The following DMBT1 variants were observed in gnomAD, a reference collection of about 807,000 sequenced individuals.
DMBT1 encodes the protein deleted in malignant brain tumors 1.
In DMBT1, 198 loss-of-function variants were observed where a neutral mutation model predicts 252.9. That is an observed-to-expected ratio of 0.78 (90% CI 0.70 to 0.88). DMBT1 has a LOEUF of 0.88. Ranked by LOEUF, DMBT1 falls within the 40% of genes least tolerant of loss-of-function variation. The probability of loss-of-function intolerance (pLI) is 0.00; values close to 1 mark genes in which losing one functional copy is unlikely to be tolerated. For missense variants in DMBT1, 2,432 were observed against 2,404.7 expected, an observed-to-expected ratio of 1.01 and a Z score of -0.24; for synonymous variants, 990 against 942.7, an observed-to-expected ratio of 1.05 and a Z score of -0.92.
At chr10:122,599,388 T>A (rs761356777) in intron 26 of DMBT1, among the ~76,000 whole-genome samples, 1 of 152,188 alleles carries the variant, frequency 6.6e-6, no homozygotes, top group Non-Finnish European at 1.5e-5. Flanking sequence ...ATTTCTCCCC[T>A]GCTGAGTAGC....
At chr10:122,562,202 C>CT (rs944213856) in intron 1 of DMBT1, among the ~76,000 whole-genome samples, 19 of 151,294 alleles carry the variant, frequency 1.3e-4, no homozygotes, top group Middle Eastern at 3.2e-3. Context: ...TTCCTACTGC[C>CT]TTTTTTTTCT....
intron 49 of DMBT1, 103 bp from the exon 50 acceptor site, chr10:122,631,752 G>C: frequency 1.5e-6 from 2 of 1,332,180 alleles, no homozygotes; most frequent in Admixed American, 1.8e-5. Flanking sequence ...CCTCGCCGAG[G>C]GGGGTCAGGT....
rs1349161912 is a variant in DMBT1 at position 122,599,034 on chromosome 10, C to T, written c.3217C>T (p.Pro1073Ser). 6.2e-7 allele frequency: 1 copy of T among 1,613,746 alleles called. No homozygotes were observed. The highest frequency in any genetic ancestry group is 8.5e-7 in the Non-Finnish European group (1 of 1,179,726). ...SGHESYLWSC[P>S]HNGWLSHNCG... ...ACACGAGTCTTACCTGTGGAGCTGCCCCCACAATGGCTGGCTCTCCCACAA... is the reference window on the plus strand; with the variant it reads ...ACACGAGTCTTACCTGTGGAGCTGCTCCCACAATGGCTGGCTCTCCCACAA... Residue 1073 changes from proline to serine, a missense_variant, in exon 26 of 56, where the codon CCC becomes TCC. Pro to Ser is a moderately conservative substitution (Grantham distance 74). Around this residue, in one of 3 missense-constraint regions of DMBT1, gnomAD observed 1,264 missense variants for 1,082.2 expected, o/e 1.17. Coordinates refer to ENST00000338354, the MANE Select transcript of DMBT1 (RefSeq NM_001377530.1).
chr10:122,568,048 T>A (rs2133513224), intron 2 of DMBT1, among the ~76,000 whole-genome samples: 1 of 152,252 alleles, frequency 6.6e-6, no homozygotes, highest in South Asian at 2.1e-4. Flanking sequence ...ACACTGAGGA[T>A]TCAGCTGGGA....
At position 122,576,681 on chromosome 10, in the gene DMBT1, A is replaced by G. The variant is rs200889785; in HGVS notation, c.566A>G (p.His189Arg). Residue 189 changes from histidine to arginine, a missense_variant, in exon 7 of 56, where the codon CAT becomes CGT. This residue lies in a region of DMBT1 where 1,264 missense variants were observed against 1,082.2 expected (regional missense o/e 1.17). Coordinates refer to ENST00000338354, the MANE Select transcript of DMBT1 (RefSeq NM_001377530.1). ...TGCCCCCACAATGGCTGGCTCTCCC[A>G]TAACTGTGGCCATGGTGAAGATGCT... ...WSCPHNGWLS[H>R]NCGHGEDAGV... The G allele has an allele frequency of 1.2e-6, 2 of 1,613,804 alleles. No individual in the cohort carries two copies. Among genetic ancestry groups the G allele is most frequent in the Non-Finnish European group, 1.7e-6 (2 of 1,179,726 alleles).
At chr10:122,619,170 A>G (rs2098035674) in intron 41 of DMBT1, 138 bp from the exon 42 acceptor site, 1 of 1,126,142 alleles carries the variant, frequency 8.9e-7, no homozygotes, top group South Asian at 1.2e-5. Flanking sequence ...GGGAATTTAC[A>G]TGGCAATGCC....
rs770901296 is a variant in DMBT1, at chr10:122,593,575, A to G, written c.2507A>G (p.Gln836Arg). 5 of 1,586,956 alleles carry G rather than the reference A, an allele frequency of 3.2e-6. No individual in the cohort carries two copies. The East Asian group carries it at 1.2e-4, about 37-fold the overall frequency. ...EDAGVICSVS[Q>R]SRPTPSPDTW... is the part of the protein sequence containing the mutation. ...TCTCTTCTCTTTCTCACAGTTTCCC[A>G]GTCCCGGCCGACACCCAGTCCAGGT... Residue 836 changes from glutamine (Q) to arginine (R), a missense_variant, in exon 21 of 56, where the codon CAG becomes CGG. Gln to Arg is a conservative substitution (Grantham distance 43). Around this residue, in one of 3 missense-constraint regions of DMBT1, gnomAD observed 1,264 missense variants for 1,082.2 expected, o/e 1.17. Coordinates refer to ENST00000338354, the MANE Select transcript of DMBT1 (RefSeq NM_001377530.1).
Position 122,598,803 on chromosome 10 carries a change from G to A in DMBT1, c.2986G>A (p.Val996Met), listed in dbSNP as rs376363987. The change falls in exon 26 of 56, where the codon GTG becomes ATG. Residue 996 changes from valine to methionine, a missense_variant. By Grantham distance (21) the Val-to-Met change is conservative. Transcript: ENST00000338354. ...GSESSLALRL[V>M]NGGDRCQGRV... ...TGAATCCAGTTTGGCCCTGAGGCTG[G>A]TGAATGGAGGTGACAGGTGTCAGGG... The A allele has an allele frequency of 1.2e-6, 2 of 1,613,386 alleles. No homozygotes were observed. Among genetic ancestry groups the A allele is most frequent in the African/African-American group, 1.3e-5 (1 of 74,922 alleles).
At chr10:122,639,838 C>T (rs898869530) in intron 54 of DMBT1, among the ~76,000 whole-genome samples, 3 of 152,204 alleles carry the variant, frequency 2.0e-5, no homozygotes, top group Non-Finnish European at 4.4e-5. Context: ...TTCCCCAGAC[C>T]TGGACCCAGA....
chr10:122,577,864 G>A lies in DMBT1; in HGVS notation c.637+24G>A, dbSNP rs57544182. 17,736 of 1,612,818 alleles carry A rather than the reference G, an allele frequency of 0.011. 1,101 individuals carry two copies. The South Asian group carries it at 0.13, about 12-fold the overall frequency. On this transcript the variant is annotated intron_variant, in intron 8 of 55. Coordinates refer to ENST00000338354, the MANE Select transcript of DMBT1 (RefSeq NM_001377530.1). ...AGGTGAGTCCCCAGAATCCTTCCTC[G>A]GGATACCCCTTCTCTTTCTGCTCAG...
chr10:122,620,980 G>T, intron 43 of DMBT1, 77 bp from the exon 44 acceptor site: 1 of 1,593,286 alleles, frequency 6.3e-7, no homozygotes. Context: ...ATTAGGAAGT[G>T]CCCTGAGTGT....
At chr10:122,569,400 A>T (rs1334809559) in intron 2 of DMBT1, among the ~76,000 whole-genome samples, 1 of 152,214 alleles carries the variant, frequency 6.6e-6, no homozygotes, top group East Asian at 1.9e-4. Context: ...CTCAATGGAA[A>T]AGAGAACTTC....
At position 122,572,344 on chromosome 10, in the gene DMBT1, A is replaced by G; in HGVS notation, c.218A>G (p.Glu73Gly). The G allele has an allele frequency of 6.2e-7, 1 of 1,613,046 alleles. No individual in the cohort carries two copies. The change falls in exon 5 of 56, where the codon GAG (glutamate) becomes GGG (glycine). Residue 73 changes from glutamate (E) to glycine (G), a missense_variant. Physicochemically the swap from Glu to Gly is moderately conservative, Grantham distance 98 (BLOSUM62 -2). Around this residue, in one of 3 missense-constraint regions of DMBT1, gnomAD observed 1,264 missense variants for 1,082.2 expected, o/e 1.17. Coordinates refer to ENST00000338354, the MANE Select transcript of DMBT1 (RefSeq NM_001377530.1). ...GSPISLESTL[E>G]STVAEGSLIP... ...CCGATTTCCTTGGAGTCAACCCTGG[A>G]GTCAACCGTAGCAGAAGGTAACGTC...
intron 54 of DMBT1, 146 bp downstream of exon 54, chr10:122,637,458 T>G (rs757719181): frequency 4.1e-6 from 4 of 968,462 alleles, no homozygotes; most frequent in South Asian, 1.8e-5. Context: ...TAAAAAACCT[T>G]TGGTGCTATG....
At position 122,586,187 on chromosome 10, in the gene DMBT1, T is replaced by C. The variant is rs1591305232; in HGVS notation, c.1587T>C (p.Asn529=). 6.3e-7 allele frequency: 1 copy of C among 1,589,154 alleles called. No homozygotes were observed. The highest frequency in any genetic ancestry group is 2.3e-5 in the East Asian group (1 of 42,742). ...ACAGCTGGGACACCAATGATGCCAA[T>C]GTGGTCTGCAGGCAGCTGGGCTGTG... ...CDDSWDTNDA[N]VVCRQLGCGW... is the part of the protein sequence containing the mutation. Residue 529 remains asparagine, a synonymous_variant, in exon 16 of 56, where the codon AAT becomes AAC. Transcript: ENST00000338354.
At position 122,620,284 on chromosome 10, in the gene DMBT1, G is replaced by A. The variant is rs2098051353; in HGVS notation, c.5277G>A (p.Leu1759=). 6.2e-7 allele frequency: 1 copy of A among 1,613,952 alleles called. No homozygotes were observed. Among genetic ancestry groups the A allele is most frequent in the Non-Finnish European group, 8.5e-7 (1 of 1,179,882 alleles). ...GGCTGACCACCAACTTACCGGCATTGACAGTAGGTAAATAATCCTCTCGCC... is the reference window on the plus strand; with the variant it reads ...GGCTGACCACCAACTTACCGGCATTAACAGTAGGTAAATAATCCTCTCGCC... ...DTWLTTNLPA[L]TVGSESSLAL... is the part of the protein sequence containing the mutation. Residue 1759 remains leucine (L), a synonymous_variant, in exon 43 of 56, where the codon TTG becomes TTA. Transcript: ENST00000338354.
At chr10:122,641,835 C>A (rs896093849) in intron 55 of DMBT1, among the ~76,000 whole-genome samples, 11 of 152,128 alleles carry the variant, frequency 7.2e-5, no homozygotes, top group Non-Finnish European at 1.3e-4. Flanking sequence ...ATTGGCTACA[C>A]CTGGCCATCA....
At chr10:122,598,687 A>AT in intron 25 of DMBT1, 87 bp from the exon 26 acceptor site, 1 of 1,599,606 alleles carries the variant, frequency 6.3e-7, no homozygotes, top group South Asian at 1.1e-5. Context: ...GACTTTAGCC[A>AT]TTAGGACATG....
intron 55 of DMBT1, among the ~76,000 whole-genome samples, chr10:122,641,050 G>T (rs1270322652): frequency 6.6e-6 from 1 of 152,204 alleles, no homozygotes; most frequent in Non-Finnish European, 1.5e-5. Flanking sequence ...CCAGGAATGT[G>T]CACTGAAGAT....
Sources: allele counts gnomAD v4.1 joint callset (sites outside exome capture counted in the v4.1 genomes callset), GRCh38; gene constraint gnomAD v4.1.1; regional missense constraint gnomAD v4.1.1; transcripts MANE v1.5; gene names NCBI Gene and HGNC (gene_info 2026-07-23, HGNC 2026-07-21).